TLN2: variants seen among roughly 807,000 people sequenced by gnomAD.
TLN2 encodes talin 2, also known as talin-2.
Under a neutral mutation model 294.7 loss-of-function variants are expected in TLN2, and 118 were observed. The observed-to-expected ratio is 0.40, with a 90% CI of 0.34 to 0.47. The LOEUF (loss-of-function observed/expected upper bound fraction) is 0.47. Ranked by LOEUF, TLN2 falls within the 20% of genes least tolerant of loss-of-function variation. The probability of loss-of-function intolerance (pLI) is 0.84; values close to 1 mark genes in which losing one functional copy is unlikely to be tolerated. For missense variants in TLN2, 3,083 were observed against 3,282.2 expected, an observed-to-expected ratio of 0.94 and a Z score of 1.48; for synonymous variants, 1,431 against 1,304.5, an observed-to-expected ratio of 1.10 and a Z score of -2.09.
rs774247801 is a variant in TLN2, at chr15:62,835,824, A to C, written c.7191+25A>C. ...TGTGAGTTGCCTTCTCCTTCCTCCCAGTTTGCTTTTGGGGTCCCCTGAGGG... is the reference window on the plus strand; with the variant it reads ...TGTGAGTTGCCTTCTCCTTCCTCCCCGTTTGCTTTTGGGGTCCCCTGAGGG... On this transcript the variant is annotated intron_variant, in intron 56 of 58. Transcript: ENST00000636159. 3.7e-6 allele frequency: 6 copies of C among 1,613,778 alleles called. No homozygotes were observed. In the African/African-American group the frequency reaches 5.3e-5, roughly 14 times the overall value.
intron 1 of TLN2, among the ~76,000 whole-genome samples, chr15:62,529,061 G>A (rs1461656022): frequency 6.6e-6 from 1 of 151,756 alleles, no homozygotes; most frequent in African/African-American, 2.4e-5. Flanking sequence ...TATCAGAAGT[G>A]GAATTACTGA....
chr15:62,833,280 G>A, intron 54 of TLN2: 1 of 541,602 alleles, frequency 1.8e-6, no homozygotes. Flanking sequence ...CTTCCACACT[G>A]TGACCCGAGG....
At chr15:62,608,135 C>T (rs2047611846) in intron 2 of TLN2, among the ~76,000 whole-genome samples, 1 of 152,016 alleles carries the variant, frequency 6.6e-6, no homozygotes, top group Non-Finnish European at 1.5e-5. Flanking sequence ...CTCTAATTGA[C>T]ATTCATTTAT....
rs1296018439 is a variant in TLN2 at position 62,719,895 on chromosome 15, G to T, written c.2991+15G>T. ...ACTTCCTCCAGGTAACAGGGCTGTG[G>T]TCACCTTGGGCTCACTCAGAGCCCT... is the stretch of plus-strand genomic sequence containing the variant. On this transcript the variant is annotated intron_variant, in intron 25 of 58. Transcript: ENST00000636159. The T allele has an allele frequency of 6.3e-7, 1 of 1,591,764 alleles. No individual in the cohort carries two copies. The highest frequency in any genetic ancestry group is 1.7e-5 in the Admixed American group (1 of 58,522).
chr15:62,446,155 C>T (rs964876964), intron 1 of TLN2, among the ~76,000 whole-genome samples: 19 of 152,012 alleles, frequency 1.2e-4, no homozygotes, highest in Non-Finnish European at 1.3e-4. Flanking sequence ...TACAGGCGCC[C>T]GCCACCACGC....
At chr15:62,715,260 G>A (rs1190703295) in intron 22 of TLN2, among the ~76,000 whole-genome samples, 2 of 152,176 alleles carry the variant, frequency 1.3e-5, no homozygotes, top group African/African-American at 4.8e-5. Flanking sequence ...TAGCAAATTG[G>A]CCACTTGGAA....
chr15:62,524,222 G>C (rs2040612951), intron 1 of TLN2, among the ~76,000 whole-genome samples: 1 of 152,144 alleles, frequency 6.6e-6, no homozygotes, highest in Non-Finnish European at 1.5e-5. Context: ...TCAATGCTGG[G>C]AAATAAAACT....
chr15:62,811,352 C>T (rs1009779723), intron 52 of TLN2, among the ~76,000 whole-genome samples: 4 of 152,154 alleles, frequency 2.6e-5, no homozygotes, highest in African/African-American at 9.7e-5. Flanking sequence ...CATTCACAGG[C>T]AAGAGCCTCT....
At chr15:62,762,009 T>C (rs772717704) in intron 38 of TLN2, among the ~76,000 whole-genome samples, 188 bp downstream of exon 38, 5 of 152,112 alleles carry the variant, frequency 3.3e-5, no homozygotes, top group Non-Finnish European at 7.4e-5. Flanking sequence ...AGATAACATA[T>C]ATGTAGAGAA....
At chr15:62,689,287 C>T (rs2057572723) in intron 12 of TLN2, among the ~76,000 whole-genome samples, 1 of 152,060 alleles carries the variant, frequency 6.6e-6, no homozygotes, top group South Asian at 2.1e-4. Flanking sequence ...TTTTTACCTA[C>T]CCACTCCCCA....
intron 54 of TLN2, among the ~76,000 whole-genome samples, chr15:62,827,478 GTAACTGA>G (rs2068326118): frequency 6.6e-6 from 1 of 152,166 alleles, no homozygotes; most frequent in African/African-American, 2.4e-5. Flanking sequence ...AGAAAACTGA[GTAACTGA>G]TACCTGGAGA....
At chr15:62,604,916 C>A (rs370501734) in intron 2 of TLN2, among the ~76,000 whole-genome samples, 4 of 151,980 alleles carry the variant, frequency 2.6e-5, no homozygotes, top group African/African-American at 9.7e-5. Context: ...CTCCTCCTTT[C>A]CCCCATTAAG....
chr15:62,840,442 C>G (rs775537999), intron 58 of TLN2, 40 bp from the exon 59 acceptor site: 37 of 1,609,858 alleles, frequency 2.3e-5, no homozygotes, highest in Non-Finnish European at 3.0e-5. Context: ...GGGTTTTCTA[C>G]AAAGTGTTAG....
At chr15:62,461,601 C>T (rs957614119) in intron 1 of TLN2, among the ~76,000 whole-genome samples, 5 of 152,180 alleles carry the variant, frequency 3.3e-5, no homozygotes, top group Admixed American at 6.5e-5. Context: ...AGCATCACTG[C>T]GGGCCAGGCT....
At chr15:62,533,253 CAAAAAAA>C (rs10650730) in intron 1 of TLN2, among the ~76,000 whole-genome samples, 2 of 51,424 alleles carry the variant, frequency 3.9e-5, no homozygotes, top group Non-Finnish European at 7.2e-5. Flanking sequence ...GACTCTGTCT[CAAAAAAA>C]AAAAAAAAAA....
At chr15:62,425,664 A>G (rs2034669232) in intron 1 of TLN2, among the ~76,000 whole-genome samples, 1 of 152,144 alleles carries the variant, frequency 6.6e-6, no homozygotes. Context: ...GTTCTGTTGT[A>G]TGAGTGGTTT....
At chr15:62,405,644 T>C (rs1428406644) in intron 1 of TLN2, among the ~76,000 whole-genome samples, 1 of 152,182 alleles carries the variant, frequency 6.6e-6, no homozygotes, top group Non-Finnish European at 1.5e-5. Flanking sequence ...TGAGTCCTCT[T>C]GATTAGGGTC....
At chr15:62,403,002 G>A (rs2033139069) in intron 1 of TLN2, among the ~76,000 whole-genome samples, 1 of 152,156 alleles carries the variant, frequency 6.6e-6, no homozygotes, top group Non-Finnish European at 1.5e-5. Flanking sequence ...CACTTTGGGA[G>A]GCTGAGGTGG....
chr15:62,825,836 A>ATTATAT (rs1555522053), intron 54 of TLN2, among the ~76,000 whole-genome samples: 2 of 77,052 alleles, frequency 2.6e-5, no homozygotes, highest in African/African-American at 1.6e-4. Context: ...TATAATATAT[A>ATTATAT]ATATATATAA....
Sources: gnomAD v4.1 joint callset for allele counts (sites outside exome capture counted in the v4.1 genomes callset) on GRCh38, gnomAD v4.1.1 for gene constraint, MANE v1.5 for transcripts, NCBI Gene and HGNC (gene_info 2026-07-23, HGNC 2026-07-21) for gene names.